The following MMRN1 variants were observed in gnomAD, a reference collection of about 807,000 sequenced individuals.
MMRN1 encodes multimerin 1.
In MMRN1, 94 loss-of-function variants were observed where a neutral mutation model predicts 100.7. The ratio of observed to expected loss-of-function variants is 0.93; its 90% confidence interval spans 0.79 to 1.11. MMRN1 has a LOEUF of 1.11. Among genes scored for constraint, MMRN1 ranks in the 50% least tolerant of loss-of-function variants. MMRN1 has a pLI of 0.00. For synonymous variants in MMRN1, 575 were observed against 505.0 expected (o/e 1.14, Z -1.86); for missense variants, 1,606 against 1,439.1 (o/e 1.12, Z -1.88).
intron 6 of MMRN1, among the ~76,000 whole-genome samples, chr4:89,937,751 A>G (rs1321854757): frequency 2.6e-5 from 4 of 152,044 alleles, no homozygotes; most frequent in African/African-American, 9.7e-5. Context: ...TGACACTTGG[A>G]GAAGAGAGAG....
chr4:89,953,178 C>T lies in MMRN1; in HGVS notation c.3447C>T (p.Tyr1149=), dbSNP rs754777562. ...IPYLGVYVFK[Y]TIESFSAHIS... is the part of the protein sequence containing the mutation. The stretch of plus-strand genomic sequence containing the variant: ...ATCTTGGAGTATATGTTTTCAAGTA[C>T]ACCATCGAGTCATTTAGTGCTCATA... The change falls in exon 8 of 8, where the codon TAC becomes TAT. Residue 1149 remains tyrosine (Y), a synonymous_variant. Coordinates refer to ENST00000264790, the MANE Select transcript of MMRN1 (RefSeq NM_007351.3). 2 of 1,613,798 alleles carry T rather than the reference C, an allele frequency of 1.2e-6. No individual in the cohort carries two copies. The highest frequency in any genetic ancestry group is 1.7e-6 in the Non-Finnish European group (2 of 1,179,848).
At position 89,899,936 on chromosome 4, in the gene MMRN1, AT is replaced by A. The variant is rs370075015; in HGVS notation, c.623+4345del. On this transcript the variant is annotated intron_variant, in intron 1 of 7. Transcript: ENST00000264790. ...CACAAAAGGGAGGGATCTTTTGAAC[AT>A]TTAAGTCAGATTAATGCATTTCACT... Among the ~76,000 whole-genome samples the A allele has an allele frequency of 1.5e-3, 231 of 152,176 alleles. 1 individual carries two copies. The highest frequency in any genetic ancestry group is 5.3e-3 in the African/African-American group (222 of 41,546).
intron 1 of MMRN1, among the ~76,000 whole-genome samples, chr4:89,888,829 T>G (rs991237557): frequency 6.6e-6 from 1 of 152,126 alleles, no homozygotes; most frequent in African/African-American, 2.4e-5. Flanking sequence ...CCCGTTCTGT[T>G]CAGACATGTT....
At chr4:89,898,847 G>C (rs1480777869) in intron 1 of MMRN1, among the ~76,000 whole-genome samples, 2 of 152,032 alleles carry the variant, frequency 1.3e-5, no homozygotes, top group Non-Finnish European at 2.9e-5. Context: ...CCTGTTCACT[G>C]CACTTACGAC....
rs1722553525 is a variant in MMRN1, at chr4:89,934,897, T to C, written c.1217T>C (p.Val406Ala). Residue 406 changes from valine (V) to alanine (A), a missense_variant, in exon 6 of 8, where the codon GTA becomes GCA. Physicochemically the swap from Val to Ala is moderately conservative, Grantham distance 64. Coordinates refer to ENST00000264790, the MANE Select transcript of MMRN1 (RefSeq NM_007351.3). The part of the protein sequence containing the change: ...KIFQNDMQET[V>A]AQLFKTVSSL... ...TTTCAAAATGACATGCAAGAGACTG[T>C]AGCACAGCTCTTCAAGACTGTATCA... 1 of 1,610,948 alleles carries C rather than the reference T, an allele frequency of 6.2e-7. No individual in the cohort carries two copies.
At position 89,934,871 on chromosome 4, in the gene MMRN1, T is replaced by G; in HGVS notation, c.1191T>G (p.Ile397Met). Residue 397 changes from isoleucine (I) to methionine (M), a missense_variant, in exon 6 of 8, where the codon ATT becomes ATG. Ile to Met is a conservative substitution (Grantham distance 10). Coordinates refer to ENST00000264790, the MANE Select transcript of MMRN1 (RefSeq NM_007351.3). ...ACATAGTAAGAGAACAATTTAAAAT[T>G]TTTCAAAATGACATGCAAGAGACTG... Reference protein sequence around the residue: ...IRDIVREQFKIFQNDMQETVA... With the variant: ...IRDIVREQFKMFQNDMQETVA... 1.3e-6 allele frequency: 2 copies of G among 1,588,654 alleles called. No homozygotes were observed. The highest frequency in any genetic ancestry group is 1.7e-6 in the Non-Finnish European group (2 of 1,171,836).
At chr4:89,949,794 G>C (rs1424017930) in intron 6 of MMRN1, among the ~76,000 whole-genome samples, 16 of 152,126 alleles carry the variant, frequency 1.1e-4, no homozygotes, top group Admixed American at 1.0e-3. Flanking sequence ...ATACAGGCAT[G>C]CCGTTTGTTC....
At chr4:89,908,651 T>A (rs560533165) in intron 1 of MMRN1, among the ~76,000 whole-genome samples, 22 of 151,662 alleles carry the variant, frequency 1.5e-4, no homozygotes, top group South Asian at 4.1e-4. Context: ...GTGTCTTTTT[T>A]AATTTGTTGT....
chr4:89,910,178 G>A lies in MMRN1; in HGVS notation c.743+783G>A, dbSNP rs186900880. 2.9e-3 allele frequency among the ~76,000 whole-genome samples: 437 copies of A among 151,500 alleles called. 2 individuals are homozygous for A. Among genetic ancestry groups the A allele is most frequent in the Non-Finnish European group, 4.8e-3 (325 of 67,580 alleles). On this transcript the variant is annotated intron_variant, in intron 2 of 7. Transcript: ENST00000264790. ...ATCAAGGTGTTTCTTAGTCCCTTGAGGAATAGCTAAGGTTCATGGTCCAGA... is the reference window on the plus strand; with the variant it reads ...ATCAAGGTGTTTCTTAGTCCCTTGAAGAATAGCTAAGGTTCATGGTCCAGA...
chr4:89,886,107 T>G (rs1283499368), intron 1 of MMRN1, among the ~76,000 whole-genome samples: 2 of 150,854 alleles, frequency 1.3e-5, no homozygotes, highest in East Asian at 3.9e-4. Context: ...CCCATGCTGG[T>G]CTCAAACTCC....
At chr4:89,915,731 G>A (rs1347654095) in intron 3 of MMRN1, among the ~76,000 whole-genome samples, 1 of 151,506 alleles carries the variant, frequency 6.6e-6, no homozygotes, top group Admixed American at 6.6e-5. Context: ...TAACTGTCCT[G>A]GGAGAAAAGC....
intron 4 of MMRN1, among the ~76,000 whole-genome samples, chr4:89,924,049 A>T (rs2110615877): frequency 6.6e-6 from 1 of 152,326 alleles, no homozygotes; most frequent in South Asian, 2.1e-4. Context: ...AAAGGGATAG[A>T]CAGTATTATT....
intron 5 of MMRN1, among the ~76,000 whole-genome samples, chr4:89,932,410 CA>C (rs1306329927): frequency 6.6e-6 from 1 of 152,142 alleles, no homozygotes; most frequent in East Asian, 1.9e-4. Flanking sequence ...CTGGGGTCTG[CA>C]GGAGAGTAGC....
intron 2 of MMRN1, among the ~76,000 whole-genome samples, chr4:89,910,007 G>A (rs547673717): frequency 1.3e-5 from 2 of 151,452 alleles, no homozygotes; most frequent in South Asian, 2.1e-4. Context: ...AGCTCAGCTG[G>A]GGGTGTTTCC....
At chr4:89,938,122 T>C (rs1034736089) in intron 6 of MMRN1, among the ~76,000 whole-genome samples, 1 of 151,944 alleles carries the variant, frequency 6.6e-6, no homozygotes, top group Non-Finnish European at 1.5e-5. Context: ...TGACTTCATA[T>C]TTAATGTATG....
intron 4 of MMRN1, among the ~76,000 whole-genome samples, chr4:89,924,189 C>T (rs1722174783): frequency 6.6e-6 from 1 of 152,052 alleles, no homozygotes; most frequent in Admixed American, 6.5e-5. Flanking sequence ...ATTTTAAATG[C>T]TGAGGTATTG....
At chr4:89,910,978 G>A (rs1721730697) in intron 2 of MMRN1, among the ~76,000 whole-genome samples, 1 of 151,434 alleles carries the variant, frequency 6.6e-6, no homozygotes. Flanking sequence ...TAGCCCACAT[G>A]ACATGGGCTA....
At chr4:89,928,014 C>G (rs751566174) in intron 5 of MMRN1, 46 bp downstream of exon 5, 9 of 1,395,944 alleles carry the variant, frequency 6.4e-6, no homozygotes, top group Non-Finnish European at 8.7e-6. Flanking sequence ...ACACAGAAAG[C>G]AAATGATTCA....
At chr4:89,924,389 C>G (rs1034064158) in intron 4 of MMRN1, among the ~76,000 whole-genome samples, 2 of 152,034 alleles carry the variant, frequency 1.3e-5, no homozygotes, top group Admixed American at 1.3e-4. Context: ...TTACAAATTT[C>G]TACACTTAGT....
Sources: allele counts gnomAD v4.1 joint callset (sites outside exome capture counted in the v4.1 genomes callset), GRCh38; gene constraint gnomAD v4.1.1; transcripts MANE v1.5; gene names NCBI Gene and HGNC (gene_info 2026-07-23, HGNC 2026-07-21).